Variants in DENND2B observed in about 807,000 individuals in gnomAD.
DENND2B encodes DENN domain-containing protein 2B.
Under a neutral mutation model 116.0 loss-of-function variants are expected in DENND2B, and 32 were observed. That is an observed-to-expected ratio of 0.28 (90% confidence interval 0.21 to 0.37). The LOEUF is 0.37. DENND2B is among the 10% of genes least tolerant of loss of function. The probability of loss-of-function intolerance (pLI) is 1.00; values close to 1 mark genes in which losing one functional copy is unlikely to be tolerated. For missense variants in DENND2B, 1,276 were observed against 1,477.7 expected, an observed-to-expected ratio of 0.86 and a Z score of 2.24; for synonymous variants, 588 against 583.9, an observed-to-expected ratio of 1.01 and a Z score of -0.10.
chr11:8,718,877 G>C (rs1315766276), intron 4 of DENND2B: 1 of 994,814 alleles, frequency 1.0e-6, no homozygotes, highest in Non-Finnish European at 1.2e-6. Flanking sequence ...TTCTAAAATA[G>C]AGTAACACCA....
intron 2 of DENND2B, among the ~76,000 whole-genome samples, chr11:8,749,027 AAAT>A (rs1297354541): frequency 6.6e-6 from 1 of 152,196 alleles, no homozygotes; most frequent in East Asian, 1.9e-4. Context: ...TTAAAATTAC[AAAT>A]AAAATGACAC....
At chr11:8,881,680 GCGC>G (rs2063905319) in intron 1 of DENND2B, among the ~76,000 whole-genome samples, 1 of 152,042 alleles carries the variant, frequency 6.6e-6, no homozygotes, top group Non-Finnish European at 1.5e-5. Flanking sequence ...GGATTAACAA[GCGC>G]CTGCCATCAC....
intron 4 of DENND2B, among the ~76,000 whole-genome samples, chr11:8,838,465 C>T (rs2062512052): frequency 1.3e-5 from 2 of 152,328 alleles, no homozygotes; most frequent in East Asian, 1.9e-4. Context: ...TACAGCACCA[C>T]GACCAAGAAT....
chr11:8,777,096 C>T (rs2057821693), intron 1 of DENND2B, among the ~76,000 whole-genome samples: 2 of 152,300 alleles, frequency 1.3e-5, no homozygotes, highest in Non-Finnish European at 2.9e-5. Context: ...GAATAGGTAA[C>T]CCATTTAAGA....
At chr11:8,844,033 A>G (rs1193266633) in intron 3 of DENND2B, among the ~76,000 whole-genome samples, 1 of 152,146 alleles carries the variant, frequency 6.6e-6, no homozygotes, top group Non-Finnish European at 1.5e-5. Context: ...CCTTACATTT[A>G]ATATTTAAAT....
intron 1 of DENND2B, among the ~76,000 whole-genome samples, chr11:8,789,423 C>A (rs1171896822): frequency 6.6e-6 from 1 of 152,180 alleles, no homozygotes; most frequent in African/African-American, 2.4e-5. Context: ...CTGCTAGTCA[C>A]AAAATGAAAA....
intron 4 of DENND2B, among the ~76,000 whole-genome samples, chr11:8,836,413 CTTTTTTT>C (rs67181023): frequency 1.3e-5 from 1 of 77,550 alleles, no homozygotes; most frequent in Non-Finnish European, 2.5e-5. Flanking sequence ...TTCTGTACTT[CTTTTTTT>C]TTTTTTTTTT....
rs556537097 is a variant in DENND2B at position 8,804,101 on chromosome 11, C to G, written c.-26+6416G>C. The stretch of plus-strand genomic sequence containing the variant: ...GGAGGAAAGAGCTGAACCTGTGAAG[C>G]TGGGTTGACAAGGACTACCTCAGAC... On this transcript the variant is annotated intron_variant, in intron 1 of 19. Coordinates refer to ENST00000313726, the MANE Select transcript of DENND2B (RefSeq NM_213618.2). 4.6e-5 allele frequency among the ~76,000 whole-genome samples: 7 copies of G among 152,330 alleles called. No individual in the cohort carries two copies. The South Asian group carries it at 1.2e-3, about 27-fold the overall frequency.
chr11:8,725,160 T>G (rs2046872408), intron 4 of DENND2B, among the ~76,000 whole-genome samples: 1 of 152,198 alleles, frequency 6.6e-6, no homozygotes, highest in South Asian at 2.1e-4. Context: ...AAAATTCCTA[T>G]GTGGAAACAC....
In DENND2B at chr11:8,798,944, C is replaced by T. The variant is rs576244836; in HGVS notation, c.-26+11573G>A. Among the ~76,000 whole-genome samples the T allele has an allele frequency of 6.9e-4, 104 of 151,402 alleles. 1 individual carries two copies. Among genetic ancestry groups the T allele is most frequent in the Middle Eastern group, 3.4e-3 (1 of 294 alleles). ...CCAGGTTCAAGTAATTCTCCTGTCT[C>T]AGCCTCCCAAGTAGCTGGGATTACA... On this transcript the variant is annotated intron_variant, in intron 1 of 19. Coordinates refer to ENST00000313726, the MANE Select transcript of DENND2B (RefSeq NM_213618.2).
chr11:8,779,604 C>T (rs1467811517), intron 1 of DENND2B, among the ~76,000 whole-genome samples: 3 of 151,292 alleles, frequency 2.0e-5, no homozygotes, highest in Non-Finnish European at 2.9e-5. Flanking sequence ...CCTCTTACCT[C>T]CCGGGTTCAA....
chr11:8,814,267 C>CTTT (rs78274604), upstream of DENND2B, among the ~76,000 whole-genome samples: 5,646 of 121,410 alleles, frequency 0.047, 458 homozygotes, highest in African/African-American at 0.13. Context: ...TCTGAATCAC[C>CTTT]TTTTTTTTTT....
intron 3 of DENND2B, among the ~76,000 whole-genome samples, chr11:8,856,178 TGATCAAAAGAC>T (rs1290804798): frequency 1.3e-5 from 2 of 152,252 alleles, no homozygotes; most frequent in Non-Finnish European, 2.9e-5. Flanking sequence ...TGATGCAATA[TGATCAAAAGAC>T]TGAAGCTCTA....
chr11:8,729,842 T>C (rs1258360242), intron 3 of DENND2B, 108 bp downstream of exon 3: 1 of 1,414,176 alleles, frequency 7.1e-7, no homozygotes, highest in East Asian at 2.3e-5. Flanking sequence ...ACTTCAGAGC[T>C]TACGAAGCAC....
intron 1 of DENND2B, among the ~76,000 whole-genome samples, chr11:8,755,411 A>C (rs990859287): frequency 2.0e-5 from 3 of 152,216 alleles, no homozygotes; most frequent in Non-Finnish European, 4.4e-5. Flanking sequence ...TAATCTCAAG[A>C]TGAAATGTAC....
At chr11:8,872,263 G>A (rs1168173393), upstream of DENND2B, among the ~76,000 whole-genome samples, 1 of 152,082 alleles carries the variant, frequency 6.6e-6, no homozygotes, top group Non-Finnish European at 1.5e-5. Flanking sequence ...AAGGTGGGCG[G>A]ATCACTTCAG....
intron 3 of DENND2B, among the ~76,000 whole-genome samples, chr11:8,849,062 AT>A (rs78636339): frequency 0.3 from 45,950 of 150,942 alleles, 7,253 homozygotes; most frequent in East Asian, 0.54. Flanking sequence ...AAATGATGTA[AT>A]TTTTTTTTTC....
chr11:8,804,547 C>CT (rs58169547), intron 1 of DENND2B, among the ~76,000 whole-genome samples: 11 of 129,602 alleles, frequency 8.5e-5, no homozygotes, highest in African/African-American at 1.7e-4. Flanking sequence ...GCAGCTACTT[C>CT]TTTTTTTTTT....
At chr11:8,887,185 G>A (rs1473524923) in intron 1 of DENND2B, among the ~76,000 whole-genome samples, 1 of 152,082 alleles carries the variant, frequency 6.6e-6, no homozygotes, top group Non-Finnish European at 1.5e-5. Flanking sequence ...TAATATTTTG[G>A]CATTATAGAA....
Sources: allele counts gnomAD v4.1 joint callset (sites outside exome capture counted in the v4.1 genomes callset), GRCh38; gene constraint gnomAD v4.1.1; transcripts MANE v1.5; gene names NCBI Gene and HGNC (gene_info 2026-07-23, HGNC 2026-07-21).